LMTK2: variants seen among roughly 807,000 people sequenced by gnomAD.
The protein encoded by LMTK2 is serine/threonine-protein kinase LMTK2.
A neutral mutation model predicts 127.5 loss-of-function variants in LMTK2; 37 were observed. The ratio of observed to expected loss-of-function variants is 0.29; its 90% CI spans 0.22 to 0.38. LMTK2 has a LOEUF of 0.38. Among genes scored for constraint, LMTK2 ranks in the 10% least tolerant of loss-of-function variants. The pLI, the probability that LMTK2 is intolerant of heterozygous loss-of-function variation, is 1.00. For synonymous variants in LMTK2, 819 were observed against 810.1 expected (o/e 1.01, Z -0.19); for missense variants, 1,694 against 1,920.3 (o/e 0.88, Z 2.20).
intron 7 of LMTK2, among the ~76,000 whole-genome samples, chr7:98,176,496 A>G (rs970991864): frequency 6.9e-6 from 1 of 145,748 alleles, no homozygotes; most frequent in Non-Finnish European, 1.5e-5. Flanking sequence ...AACACAAACT[A>G]TAAAATTATC....
Position 98,171,634 on chromosome 7 carries a change from G to C in LMTK2, c.751G>C (p.Ala251Pro). The change falls in exon 7 of 14, where the codon GCG becomes CCG. Residue 251 changes from alanine (A) to proline (P), a missense_variant. Coordinates refer to ENST00000297293, the MANE Select transcript of LMTK2 (RefSeq NM_014916.4). The surrounding 1 kb of genome is among the most constrained non-coding windows in gnomAD (Gnocchi z 5.1). ...GCAGAGGATGGCGTGCGAGGTCGCC[G>C]CGGGGCTGGCCGCCATGCACAAGCT... is the stretch of plus-strand genomic sequence containing the variant. Reference protein sequence around the residue: ...LLQRMACEVAAGLAAMHKLHF... With the variant: ...LLQRMACEVAPGLAAMHKLHF... 2 of 1,606,830 alleles carry C rather than the reference G, an allele frequency of 1.2e-6. No homozygotes were observed. The highest frequency in any genetic ancestry group is 1.7e-6 in the Non-Finnish European group (2 of 1,176,950).
At position 98,203,654 on chromosome 7, in the gene LMTK2, C is replaced by A; in HGVS notation, c.4188C>A (p.Gly1396=). ...PDLSGPAPAS[G]SPYLSRCINS... ...TGAGCGGCCCAGCCCCAGCCTCAGG[C>A]TCTCCCTACCTGAGCAGGTGCATCA... The change falls in exon 12 of 14, where the codon GGC becomes GGA. Residue 1396 remains glycine (G), a synonymous_variant. Transcript: ENST00000297293. 6.2e-7 allele frequency: 1 copy of A among 1,613,678 alleles called. No individual in the cohort carries two copies.
chr7:98,149,783 T>C (rs1796825186), intron 3 of LMTK2, among the ~76,000 whole-genome samples: 1 of 152,144 alleles, frequency 6.6e-6, no homozygotes, highest in South Asian at 2.1e-4. Flanking sequence ...ATTAAAAGCT[T>C]TTTGGAAATT....
At position 98,192,324 on chromosome 7, in the gene LMTK2, G is replaced by A. The variant is rs965514818; in HGVS notation, c.1859G>A (p.Gly620Glu). The change falls in exon 11 of 14, where the codon GGG becomes GAG. Residue 620 changes from glycine to glutamate, a missense_variant. By Grantham distance (98) the Gly-to-Glu change is moderately conservative. Coordinates refer to ENST00000297293, the MANE Select transcript of LMTK2 (RefSeq NM_014916.4). ...STDPKDSSLPGDLHVTSGPES... is the reference protein window; with the variant it reads ...STDPKDSSLPEDLHVTSGPES... ...GACCCCAAAGACTCTAGCTTACCAG[G>A]GGACTTACACGTGACCAGTGGCCCC... 26 of 1,559,144 alleles carry A rather than the reference G, an allele frequency of 1.7e-5. No homozygotes were observed. Among genetic ancestry groups the A allele is most frequent in the Non-Finnish European group, 2.2e-5 (26 of 1,158,742 alleles).
intron 1 of LMTK2, among the ~76,000 whole-genome samples, chr7:98,116,840 A>C (rs997315728): frequency 1.3e-5 from 2 of 152,174 alleles, no homozygotes; most frequent in Non-Finnish European, 2.9e-5. Context: ...CCCCCAGTCC[A>C]TTCCTTGTTT....
At chr7:98,133,763 A>G (rs1796557732) in intron 1 of LMTK2, among the ~76,000 whole-genome samples, 2 of 152,118 alleles carry the variant, frequency 1.3e-5, no homozygotes, top group South Asian at 4.1e-4. Flanking sequence ...GGCATAGTTC[A>G]TTGGTCTTAA....
intron 1 of LMTK2, among the ~76,000 whole-genome samples, chr7:98,114,854 T>C (rs1053074438): frequency 1.3e-5 from 2 of 152,064 alleles, no homozygotes; most frequent in Non-Finnish European, 2.9e-5. Flanking sequence ...CATCTTTTTA[T>C]TTTTTTTAAA....
chr7:98,188,175 A>G (rs748727611), intron 9 of LMTK2, among the ~76,000 whole-genome samples: 6 of 152,024 alleles, frequency 3.9e-5, no homozygotes, highest in Admixed American at 6.6e-5. Context: ...TCCCTGCCTC[A>G]AGTAATCACT....
chr7:98,140,188 CTTTCTGTCTT>C (rs1304858814), intron 2 of LMTK2, among the ~76,000 whole-genome samples: 4 of 5,320 alleles, frequency 7.5e-4, no homozygotes, highest in Non-Finnish European at 1.1e-3. Context: ...TTTCTTTCTT[CTTTCTGTCTT>C]TGAGATGGTC....
chr7:98,186,114 A>G (rs1416559910), intron 8 of LMTK2, among the ~76,000 whole-genome samples: 1 of 146,624 alleles, frequency 6.8e-6, no homozygotes, highest in Non-Finnish European at 1.5e-5. Context: ...CCCTGGCTGG[A>G]GTGCAGTGGC....
At position 98,205,929 on chromosome 7, in the gene LMTK2, A is replaced by G. The variant is rs563965608; in HGVS notation, c.*437A>G. On this transcript the variant is annotated 3_prime_UTR_variant, in exon 14 of 14. Coordinates refer to ENST00000297293, the MANE Select transcript of LMTK2 (RefSeq NM_014916.4). Reference sequence around the variant, plus strand: ...TGAGGGGAATGGTCACCAGTGAGCCATATTTATTATTTCTAGAGAAATCAC... The same window carrying G: ...TGAGGGGAATGGTCACCAGTGAGCCGTATTTATTATTTCTAGAGAAATCAC... 4 of 171,658 alleles carry G rather than the reference A, an allele frequency of 2.3e-5. No individual in the cohort carries two copies. Among genetic ancestry groups the G allele is most frequent in the Admixed American group, 1.8e-4 (3 of 16,698 alleles). The allele number at this position is 171,658 out of a possible 1,614,324, so 10.6% of individuals were successfully genotyped here.
chr7:98,147,345 A>G (rs577045655), intron 3 of LMTK2, among the ~76,000 whole-genome samples: 1 of 151,974 alleles, frequency 6.6e-6, no homozygotes, highest in South Asian at 2.1e-4. Context: ...CAACCTCCCA[A>G]GTAGCTGGGA....
chr7:98,145,068 T>G (rs1796751954), intron 3 of LMTK2, among the ~76,000 whole-genome samples: 2 of 152,176 alleles, frequency 1.3e-5, no homozygotes, highest in Non-Finnish European at 1.5e-5. Context: ...ATAATTTTGG[T>G]GGGTCTTGCC....
At chr7:98,146,106 T>C (rs1038704530) in intron 3 of LMTK2, among the ~76,000 whole-genome samples, 2 of 152,174 alleles carry the variant, frequency 1.3e-5, no homozygotes, top group Non-Finnish European at 2.9e-5. Flanking sequence ...TTTTTGAAAA[T>C]CAGTTTACTA....
chr7:98,126,858 C>A (rs1480576883), intron 1 of LMTK2: 1 of 152,142 alleles, frequency 6.6e-6, no homozygotes, highest in African/African-American at 2.4e-5. Flanking sequence ...GGAACTCTTC[C>A]CTGTCTGTGA....
intron 1 of LMTK2, among the ~76,000 whole-genome samples, chr7:98,131,188 G>A (rs1796515775): frequency 6.6e-6 from 1 of 152,132 alleles, no homozygotes; most frequent in Admixed American, 6.5e-5. Flanking sequence ...ACAAGCACAT[G>A]ACCATTATCA....
chr7:98,107,720 C>G (rs559382857), intron 1 of LMTK2, among the ~76,000 whole-genome samples: 1 of 152,304 alleles, frequency 6.6e-6, no homozygotes, highest in East Asian at 1.9e-4. Context: ...TTTGTTTTCG[C>G]TCCTTGCAAC....
chr7:98,143,963 A>G (rs970309156), intron 3 of LMTK2, among the ~76,000 whole-genome samples: 2 of 152,236 alleles, frequency 1.3e-5, no homozygotes, highest in East Asian at 3.8e-4. Context: ...ATCAAGGTGA[A>G]CTGTATTTGA....
In LMTK2 at chr7:98,159,327, A is replaced by G; in HGVS notation, c.570-11A>G. ...CCTGATGAACAATATTATGGCTTTT[A>G]TTTTTCCCAGCATTCTTCAGCATCC... On this transcript the variant is annotated splice_polypyrimidine_tract_variant and intron_variant, in intron 5 of 13. Coordinates refer to ENST00000297293, the MANE Select transcript of LMTK2 (RefSeq NM_014916.4). 6.3e-7 allele frequency: 1 copy of G among 1,579,850 alleles called. No individual in the cohort carries two copies. Among genetic ancestry groups the G allele is most frequent in the Non-Finnish European group, 8.6e-7 (1 of 1,159,448 alleles).
Sources: allele counts gnomAD v4.1 joint callset (sites outside exome capture counted in the v4.1 genomes callset), GRCh38; gene constraint gnomAD v4.1.1; non-coding constraint Gnocchi (gnomAD v3.1); transcripts MANE v1.5; gene names NCBI Gene and HGNC (gene_info 2026-07-23, HGNC 2026-07-21).